WDPCP: variants seen among roughly 807,000 people sequenced by gnomAD.
WDPCP encodes the protein WD repeat containing planar cell polarity effector.
WDPCP carries 71 observed loss-of-function variants against 93.1 expected under a neutral mutation model. The observed-to-expected ratio is 0.76, with a 90% CI of 0.63 to 0.93. The LOEUF (loss-of-function observed/expected upper bound fraction) is 0.93, where lower values mean the gene tolerates loss of function less well. WDPCP is among the 40% of genes least tolerant of loss of function. The pLI, the probability that WDPCP is intolerant of heterozygous loss-of-function variation, is 0.00. For missense variants in WDPCP, 844 were observed against 887.4 expected, an observed-to-expected ratio of 0.95 and a Z score of 0.62; for synonymous variants, 315 against 315.0, an observed-to-expected ratio of 1.00 and a Z score of 0.00.
upstream of WDPCP, chr2:63,589,400 G>A (rs556524886): frequency 6.5e-7 from 1 of 1,548,908 alleles, no homozygotes; most frequent in East Asian, 2.4e-5. Context: ...CGATGGGAGG[G>A]AAAGGTTGGG....
At chr2:63,532,467 G>T (rs896754243) in intron 1 of WDPCP, among the ~76,000 whole-genome samples, 2 of 152,138 alleles carry the variant, frequency 1.3e-5, no homozygotes, top group South Asian at 4.1e-4. Flanking sequence ...AAGAAAGGTC[G>T]GGTTACCCAC....
chr2:63,272,064 G>T (rs915749025), intron 13 of WDPCP, among the ~76,000 whole-genome samples: 6 of 152,238 alleles, frequency 3.9e-5, no homozygotes, highest in Non-Finnish European at 8.8e-5. Context: ...TACCACCAGT[G>T]CCCGCATATG....
chr2:63,262,938 A>G (rs962388986), intron 13 of WDPCP, among the ~76,000 whole-genome samples: 2 of 152,182 alleles, frequency 1.3e-5, no homozygotes, highest in African/African-American at 4.8e-5. Context: ...TCTTAAATTG[A>G]TATTATATCT....
chr2:63,487,009 A>T (rs1251858298), intron 3 of WDPCP, among the ~76,000 whole-genome samples: 1 of 152,042 alleles, frequency 6.6e-6, no homozygotes, highest in Non-Finnish European at 1.5e-5. Context: ...CTCTAGCTAG[A>T]AAGACCTTTT....
chr2:63,647,899 CT>C (rs1710070539), intron 3 of WDPCP, among the ~76,000 whole-genome samples: 1 of 152,068 alleles, frequency 6.6e-6, no homozygotes. Context: ...CAATCAGGAA[CT>C]CCAGAAATGG....
Position 63,733,956 on chromosome 2 carries a change from T to C in WDPCP, n.308+79666A>G, listed in dbSNP as rs534577833. 4.9e-4 allele frequency among the ~76,000 whole-genome samples: 75 copies of C among 152,322 alleles called. 1 individual carries two copies. In the Middle Eastern group the frequency reaches 0.01, roughly 21 times the overall value. On this transcript the variant is annotated intron_variant and non_coding_transcript_variant, in intron 2 of 4. Coordinates refer to the WDPCP transcript ENST00000467687. ...GGCAACCAAGAATCTACTTTGTCTC[T>C]ATGAATGTGCTTATTCTAGAAATAT...
intron 14 of WDPCP, among the ~76,000 whole-genome samples, chr2:63,247,264 ATTGT>A (rs1412429549): frequency 6.6e-6 from 1 of 152,168 alleles, no homozygotes; most frequent in African/African-American, 2.4e-5. Flanking sequence ...AAAGCTTGCC[ATTGT>A]TTGTTGTTGC....
chr2:63,818,000 G>A (rs575078232), intron 1 of WDPCP, among the ~76,000 whole-genome samples: 2 of 151,944 alleles, frequency 1.3e-5, no homozygotes, highest in South Asian at 4.2e-4. Context: ...GTTCACTATT[G>A]TACTATCAAA....
intron 2 of WDPCP, among the ~76,000 whole-genome samples, chr2:63,775,125 A>G (rs1670282941): frequency 6.6e-6 from 1 of 152,186 alleles, no homozygotes; most frequent in Non-Finnish European, 1.5e-5. Context: ...TCTTGGGCTC[A>G]ACGTCACAGA....
chr2:63,251,048 C>T (rs1405927333), intron 14 of WDPCP, among the ~76,000 whole-genome samples: 2 of 152,080 alleles, frequency 1.3e-5, no homozygotes, highest in Admixed American at 6.6e-5. Flanking sequence ...AATCTAACAT[C>T]ACACCTAGAG....
At chr2:63,663,672 A>G (rs1453512403) in intron 2 of WDPCP, among the ~76,000 whole-genome samples, 2 of 152,230 alleles carry the variant, frequency 1.3e-5, no homozygotes, top group Non-Finnish European at 2.9e-5. Context: ...AAGAGGGCAG[A>G]GTTCATGGTG....
chr2:63,704,565 T>C (rs1405971919), intron 2 of WDPCP, among the ~76,000 whole-genome samples: 1 of 152,226 alleles, frequency 6.6e-6, no homozygotes, highest in Non-Finnish European at 1.5e-5. Flanking sequence ...TCATGTGGTT[T>C]TTGTCTTTGG....
At chr2:63,224,878 A>C (rs1307499885) in intron 14 of WDPCP, among the ~76,000 whole-genome samples, 1 of 151,920 alleles carries the variant, frequency 6.6e-6, no homozygotes, top group Non-Finnish European at 1.5e-5. Context: ...CACTAATGTA[A>C]ATTAAATTAT....
chr2:63,505,692 T>C (rs1462579807), intron 1 of WDPCP, among the ~76,000 whole-genome samples: 3 of 152,074 alleles, frequency 2.0e-5, no homozygotes, highest in African/African-American at 7.2e-5. Flanking sequence ...CTTAAAATAA[T>C]GAGTCTGATC....
chr2:63,804,251 CTTTTT>C (rs548734461), intron 2 of WDPCP, among the ~76,000 whole-genome samples: 1 of 139,854 alleles, frequency 7.2e-6, no homozygotes. Flanking sequence ...CCAGATACTC[CTTTTT>C]TTTTTTTTTT....
At position 63,744,120 on chromosome 2, in the gene WDPCP, G is replaced by C. The variant is rs140576259; in HGVS notation, n.308+69502C>G. On this transcript the variant is annotated intron_variant and non_coding_transcript_variant, in intron 2 of 4. Transcript: ENST00000467687. Reference sequence around the variant, plus strand: ...TTATAACTGGAGAAAGTGAAATAGAGAAGTGATCTGTTGCAGTCATAGTGT... The same window carrying C: ...TTATAACTGGAGAAAGTGAAATAGACAAGTGATCTGTTGCAGTCATAGTGT... 6.6e-3 allele frequency among the ~76,000 whole-genome samples: 1,004 copies of C among 152,238 alleles called. 2 individuals are homozygous for C. Among genetic ancestry groups the C allele is most frequent in the Non-Finnish European group, 0.01 (701 of 67,980 alleles).
rs961552165 is a variant in WDPCP at position 63,501,975 on chromosome 2, T to A, written c.76-9035A>T. Among the ~76,000 whole-genome samples the A allele has an allele frequency of 3.9e-5, 6 of 152,164 alleles. No homozygotes were observed. The East Asian group carries it at 5.8e-4, about 15-fold the overall frequency. ...AAAGCAACACATACTTATTGTTTTT[T>A]AAAAAATGCAAACATACAGAAGTAT... is the stretch of plus-strand genomic sequence containing the variant. On this transcript the variant is annotated intron_variant, in intron 1 of 17. Coordinates refer to ENST00000272321, the MANE Select transcript of WDPCP (RefSeq NM_015910.7).
Position 63,784,787 on chromosome 2 carries a change from C to T in WDPCP, n.308+28835G>A, listed in dbSNP as rs539522179. ...CCATGTATACAACTGTATTGTAGTA[C>T]TTGAATTCAAATCTAAGTATTGAAA... On this transcript the variant is annotated intron_variant and non_coding_transcript_variant, in intron 2 of 4. Transcript: ENST00000467687. Among the ~76,000 whole-genome samples, 106 of 152,194 alleles carry T rather than the reference C, an allele frequency of 7.0e-4. 1 individual carries two copies. Among genetic ancestry groups the T allele is most frequent in the African/African-American group, 2.5e-3 (102 of 41,544 alleles).
intron 3 of WDPCP, among the ~76,000 whole-genome samples, chr2:63,641,920 T>C (rs1350281246): frequency 6.6e-6 from 1 of 152,184 alleles, no homozygotes; most frequent in Non-Finnish European, 1.5e-5. Flanking sequence ...GATTCATAGT[T>C]TCAGATCTTA....
Sources: gnomAD v4.1 joint callset for allele counts (sites outside exome capture counted in the v4.1 genomes callset) on GRCh38, gnomAD v4.1.1 for gene constraint, MANE v1.5 for transcripts, NCBI Gene and HGNC (gene_info 2026-07-23, HGNC 2026-07-21) for gene names.